ANXA7: variants seen among roughly 807,000 people sequenced by gnomAD.
ANXA7 encodes annexin A7.
ANXA7 carries 55 observed loss-of-function variants against 64.9 expected under a neutral mutation model. That is an observed-to-expected ratio of 0.85 (90% confidence interval 0.68 to 1.06). The LOEUF (loss-of-function observed/expected upper bound fraction) is 1.06, where lower values mean the gene tolerates loss of function less well. Ranked by LOEUF, ANXA7 falls within the 50% of genes least tolerant of loss-of-function variation. The pLI is 0.00. For synonymous variants in ANXA7, 200 were observed against 192.4 expected (o/e 1.04, Z -0.33); for missense variants, 548 against 582.1 (o/e 0.94, Z 0.60).
At position 73,397,266 on chromosome 10, in the gene ANXA7, C is replaced by G. The variant is rs2055591204; in HGVS notation, c.268G>C (p.Gly90Arg). Reference sequence around the variant, plus strand: ...CCTGGTGGGACTCCAAATCCTTGGCCTGGAGGAACTAGAGAAAAGAACATG... The same window carrying G: ...CCTGGTGGGACTCCAAATCCTTGGCGTGGAGGAACTAGAGAAAAGAACATG... ...GAPSYPGVPPGQGFGVPPGGA... is the reference protein window; with the variant it reads ...GAPSYPGVPPRQGFGVPPGGA... The change falls in exon 4 of 13, where the codon GGC becomes CGC. Residue 90 changes from glycine to arginine, a missense_variant. Physicochemically the swap from Gly to Arg is moderately radical, Grantham distance 125 (BLOSUM62 -2). Coordinates refer to ENST00000372921, the MANE Select transcript of ANXA7 (RefSeq NM_001156.5). The G allele has an allele frequency of 1.9e-6, 3 of 1,608,630 alleles. No individual in the cohort carries two copies. Among genetic ancestry groups the G allele is most frequent in the Non-Finnish European group, 1.7e-6 (2 of 1,176,110 alleles).
intron 1 of ANXA7, among the ~76,000 whole-genome samples, chr10:73,408,586 G>A (rs1210848382): frequency 6.6e-6 from 1 of 152,072 alleles, no homozygotes. Flanking sequence ...GAGGAATTAT[G>A]TCAACAAAAA....
intron 1 of ANXA7, among the ~76,000 whole-genome samples, chr10:73,402,461 C>T (rs1190342005): frequency 1.3e-5 from 2 of 152,300 alleles, no homozygotes; most frequent in East Asian, 1.9e-4. Flanking sequence ...TTCAGCCTCT[C>T]AAAGTGCTGG....
In ANXA7 at chr10:73,376,075, T is replaced by TAAAAA; in HGVS notation, c.*15_*19dup. 7.6e-7 allele frequency: 1 copy of TAAAAA among 1,310,272 alleles called. No homozygotes were observed. Among genetic ancestry groups the TAAAAA allele is most frequent in the South Asian group, 1.5e-5 (1 of 66,512 alleles). The allele number at this position is 1,310,272 out of a possible 1,614,324, so 81.2% of individuals were successfully genotyped here. ...GCTATGAATAGAAATTTTTTTTCAT[T>TAAAAA]AAAAAAAAAAAAATCCCTCCTACTG... On this transcript the variant is annotated 3_prime_UTR_variant, in exon 13 of 13. Transcript: ENST00000372921.
rs1277639862 is a variant in ANXA7 at position 73,380,085 on chromosome 10, G to A, written c.1035C>T (p.Ile345=). 6.2e-7 allele frequency: 1 copy of A among 1,614,132 alleles called. No homozygotes were observed. ...LGTDESCFNM[I]LATRSFPQLR... ...GCTGAGGAAAGCTTCTTGTGGCAAG[G>A]ATCATGTTAAAGCAAGATTCATCGG... Residue 345 remains isoleucine, a synonymous_variant, in exon 10 of 13, where the codon ATC becomes ATT. Transcript: ENST00000372921.
intron 1 of ANXA7, among the ~76,000 whole-genome samples, chr10:73,413,669 C>G (rs2055879221): frequency 6.6e-6 from 1 of 152,266 alleles, no homozygotes; most frequent in African/African-American, 2.4e-5. Flanking sequence ...TTCAGCACTG[C>G]CCGTGCGTTT....
At chr10:73,394,510 A>G (rs989983215) in intron 5 of ANXA7, among the ~76,000 whole-genome samples, 2 of 152,218 alleles carry the variant, frequency 1.3e-5, no homozygotes, top group East Asian at 3.8e-4. Context: ...GCACATATAC[A>G]CCATGGAATA....
chr10:73,390,373 C>T (rs1056264255), intron 5 of ANXA7, among the ~76,000 whole-genome samples: 1 of 152,078 alleles, frequency 6.6e-6, no homozygotes. Flanking sequence ...ATTTTTACTC[C>T]AACATTTTCT....
intron 5 of ANXA7, among the ~76,000 whole-genome samples, chr10:73,394,626 C>T (rs995248099): frequency 3.9e-5 from 6 of 152,104 alleles, no homozygotes; most frequent in Admixed American, 2.0e-4. Context: ...AACCAGACAC[C>T]GCATGGTCTC....
intron 11 of ANXA7, 54 bp from the exon 12 acceptor site, chr10:73,379,077 C>G (rs2055232214): frequency 2.4e-6 from 3 of 1,247,476 alleles, no homozygotes; most frequent in Non-Finnish European, 3.4e-6. Flanking sequence ...AGAAGTGTAC[C>G]CCTCCAGCTT....
chr10:73,404,949 T>TA (rs1440470344), intron 1 of ANXA7, among the ~76,000 whole-genome samples: 4 of 151,782 alleles, frequency 2.6e-5, no homozygotes, highest in Non-Finnish European at 4.4e-5. Context: ...CTGTCTCTAT[T>TA]AAAAATACAA....
intron 5 of ANXA7, among the ~76,000 whole-genome samples, chr10:73,390,693 AATATATATATAT>A (rs142703167): frequency 4.4e-4 from 56 of 127,462 alleles, no homozygotes; most frequent in Non-Finnish European, 7.4e-4. Flanking sequence ...TCTTTTGTAA[AATATATATATAT>A]ATATATATAT....
intron 5 of ANXA7, among the ~76,000 whole-genome samples, chr10:73,390,099 C>T (rs937858771): frequency 2.0e-5 from 3 of 152,120 alleles, no homozygotes; most frequent in Non-Finnish European, 4.4e-5. Flanking sequence ...GCAGAAAACA[C>T]ACATATACAC....
At chr10:73,376,817 T>C (rs987103977) in intron 12 of ANXA7, among the ~76,000 whole-genome samples, 1 of 151,980 alleles carries the variant, frequency 6.6e-6, no homozygotes, top group Admixed American at 6.6e-5. Flanking sequence ...CAATAGACTA[T>C]TTAATTACTC....
chr10:73,376,813 A>T (rs2055178287), intron 12 of ANXA7, among the ~76,000 whole-genome samples: 1 of 152,218 alleles, frequency 6.6e-6, no homozygotes, highest in African/African-American at 2.4e-5. Context: ...CGTACAATAG[A>T]CTATTTAATT....
intron 1 of ANXA7, among the ~76,000 whole-genome samples, chr10:73,407,732 A>G (rs77561916): frequency 6.6e-6 from 1 of 152,188 alleles, no homozygotes; most frequent in Non-Finnish European, 1.5e-5. Flanking sequence ...GTATTCAGCC[A>G]TTTGAGTACA....
At position 73,413,029 on chromosome 10, in the gene ANXA7, GA is replaced by G. The variant is rs1480467226; in HGVS notation, c.-2+982del. Among the ~76,000 whole-genome samples the G allele has an allele frequency of 2.6e-5, 4 of 152,106 alleles. No individual in the cohort carries two copies. The East Asian group carries it at 7.7e-4, about 29-fold the overall frequency. On this transcript the variant is annotated intron_variant, in intron 1 of 12. Transcript: ENST00000372921. ...GGTGACTGAAGATACGCGCAACAGC[GA>G]ATACAATTTTGCAAAACCGGCTTCT...
At chr10:73,394,652 C>G (rs1008789074) in intron 5 of ANXA7, among the ~76,000 whole-genome samples, 2 of 152,082 alleles carry the variant, frequency 1.3e-5, no homozygotes, top group Non-Finnish European at 2.9e-5. Context: ...TAGGTGGGAA[C>G]TGAACAATGA....
intron 1 of ANXA7, among the ~76,000 whole-genome samples, chr10:73,413,134 G>T (rs1369970345): frequency 6.6e-6 from 1 of 152,186 alleles, no homozygotes; most frequent in Non-Finnish European, 1.5e-5. Context: ...TGCACGGACA[G>T]GTAGGTAGCC....
chr10:73,387,618 G>T, intron 7 of ANXA7, 71 bp downstream of exon 7: 2 of 1,184,914 alleles, frequency 1.7e-6, no homozygotes, highest in Non-Finnish European at 2.5e-6. Flanking sequence ...TCAAAATATA[G>T]TATCCAATCT....
Sources: allele counts gnomAD v4.1 joint callset (sites outside exome capture counted in the v4.1 genomes callset), GRCh38; gene constraint gnomAD v4.1.1; transcripts MANE v1.5; gene names NCBI Gene and HGNC (gene_info 2026-07-23, HGNC 2026-07-21).